DIAPH3: variants seen among roughly 807,000 people sequenced by gnomAD.
The protein encoded by DIAPH3 is diaphanous related formin 3, also known as protein diaphanous homolog 3.
A neutral mutation model predicts 144.3 loss-of-function variants in DIAPH3; 117 were observed. The ratio of observed to expected loss-of-function variants is 0.81; its 90% CI spans 0.70 to 0.95. DIAPH3 has a LOEUF of 0.95. DIAPH3 is among the 40% of genes least tolerant of loss of function. The pLI is 0.00. For missense variants in DIAPH3, 1,421 were observed against 1,412.7 expected (o/e 1.01, Z -0.09); for synonymous variants, 519 against 488.9 (o/e 1.06, Z -0.81).
At chr13:59,791,594 TGA>T (rs1464445091) in intron 25 of DIAPH3, among the ~76,000 whole-genome samples, 2 of 152,158 alleles carry the variant, frequency 1.3e-5, no homozygotes, top group Non-Finnish European at 2.9e-5. Context: ...AGACTTTTAT[TGA>T]GAGAGGTGTT....
intron 4 of DIAPH3, among the ~76,000 whole-genome samples, chr13:60,088,474 C>T (rs918333673): frequency 2.6e-5 from 4 of 152,122 alleles, no homozygotes; most frequent in Non-Finnish European, 5.9e-5. Flanking sequence ...CAAGGGTCTG[C>T]TTTCACTTGT....
chr13:59,732,020 T>C (rs1028689308), intron 27 of DIAPH3, among the ~76,000 whole-genome samples: 2 of 152,146 alleles, frequency 1.3e-5, no homozygotes, highest in African/African-American at 4.8e-5. Context: ...GTTTACGGAT[T>C]AGATTAGAAC....
At chr13:60,138,756 A>AAGG in intron 1 of DIAPH3, among the ~76,000 whole-genome samples, 1 of 106,860 alleles carries the variant, frequency 9.4e-6, no homozygotes, top group Non-Finnish European at 1.8e-5. Flanking sequence ...AACAGGAAGG[A>AAGG]AGGAGAAGGA....
At chr13:59,958,859 T>G (rs1468356698) in intron 17 of DIAPH3, among the ~76,000 whole-genome samples, 1 of 147,150 alleles carries the variant, frequency 6.8e-6, no homozygotes, top group Non-Finnish European at 1.5e-5. Context: ...GATCTAAACT[T>G]CAATAAACTT....
At chr13:59,710,280 GAAA>G (rs1159252127) in intron 27 of DIAPH3, among the ~76,000 whole-genome samples, 1 of 138,334 alleles carries the variant, frequency 7.2e-6, no homozygotes, top group Admixed American at 7.3e-5. Flanking sequence ...ATTTATTTTG[GAAA>G]AAAAAAAAAG....
At chr13:59,937,034 G>A (rs1386861494) in intron 17 of DIAPH3, among the ~76,000 whole-genome samples, 2 of 151,782 alleles carry the variant, frequency 1.3e-5, no homozygotes, top group African/African-American at 2.4e-5. Flanking sequence ...GTGGTGGCGG[G>A]TTCCTGTTGT....
At chr13:59,946,829 G>T (rs2048822785) in intron 17 of DIAPH3, among the ~76,000 whole-genome samples, 1 of 151,932 alleles carries the variant, frequency 6.6e-6, no homozygotes. Context: ...ACAAAAATGA[G>T]AACATTTGAA....
At chr13:60,157,619 T>G (rs1377823348) in intron 1 of DIAPH3, among the ~76,000 whole-genome samples, 2 of 152,242 alleles carry the variant, frequency 1.3e-5, no homozygotes, top group African/African-American at 4.8e-5. Context: ...TTCTTGTTTG[T>G]ATGGGTCACA....
chr13:59,843,000 T>C (rs2139793562), intron 22 of DIAPH3, among the ~76,000 whole-genome samples: 1 of 152,300 alleles, frequency 6.6e-6, no homozygotes, highest in Admixed American at 6.5e-5. Flanking sequence ...AGCTCAATCT[T>C]CAGCCCCTCT....
intron 1 of DIAPH3, among the ~76,000 whole-genome samples, chr13:60,160,818 C>T (rs760338092): frequency 4.2e-4 from 64 of 152,290 alleles, no homozygotes; most frequent in Middle Eastern, 3.4e-3. Flanking sequence ...TCAATTGATT[C>T]GTAGCACAGC....
intron 27 of DIAPH3, among the ~76,000 whole-genome samples, chr13:59,739,514 C>CT (rs1056989995): frequency 6.6e-6 from 1 of 152,150 alleles, no homozygotes; most frequent in African/African-American, 2.4e-5. Flanking sequence ...ACAATGGTCA[C>CT]TGTGGTATTC....
intron 22 of DIAPH3, among the ~76,000 whole-genome samples, chr13:59,841,569 G>A (rs1020966794): frequency 4.6e-5 from 7 of 152,180 alleles, no homozygotes; most frequent in Non-Finnish European, 7.3e-5. Flanking sequence ...ACCACAGCCT[G>A]AGTGACAGAG....
intron 4 of DIAPH3, among the ~76,000 whole-genome samples, chr13:60,082,407 T>C (rs997511436): frequency 6.8e-6 from 1 of 147,676 alleles, no homozygotes. Context: ...AAAAAGAAAT[T>C]TAAGAAAAAA....
chr13:59,739,367 A>T (rs953183923), intron 27 of DIAPH3, among the ~76,000 whole-genome samples: 1 of 152,208 alleles, frequency 6.6e-6, no homozygotes, highest in African/African-American at 2.4e-5. Context: ...TTTACTCCAT[A>T]TGTAACACTG....
rs141475241 is a variant in DIAPH3, at chr13:60,090,622, G to C, written c.495+3006C>G. Among the ~76,000 whole-genome samples the C allele has an allele frequency of 3.5e-3, 540 of 152,132 alleles. 4 individuals carry two copies. Among genetic ancestry groups the C allele is most frequent in the African/African-American group, 0.013 (524 of 41,516 alleles). Reference sequence around the variant, plus strand: ...GTAGAACAATGTATCCATAAACTTTGATTCTGTTCTTTTCAGAGTAGCTTT... The same window carrying C: ...GTAGAACAATGTATCCATAAACTTTCATTCTGTTCTTTTCAGAGTAGCTTT... On this transcript the variant is annotated intron_variant, in intron 4 of 27. Transcript: ENST00000400324.
At chr13:60,106,795 G>GA (rs1212146298) in intron 3 of DIAPH3, among the ~76,000 whole-genome samples, 1 of 152,060 alleles carries the variant, frequency 6.6e-6, no homozygotes, top group Non-Finnish European at 1.5e-5. Context: ...TTTATAATCA[G>GA]AAAAATATAA....
chr13:59,993,917 C>G (rs1274769218), intron 9 of DIAPH3, among the ~76,000 whole-genome samples: 1 of 151,806 alleles, frequency 6.6e-6, no homozygotes, highest in East Asian at 1.9e-4. Context: ...TTCAGAGAAA[C>G]TAAATCAAAC....
At chr13:60,070,843 T>G (rs551997619) in intron 4 of DIAPH3, among the ~76,000 whole-genome samples, 8 of 152,168 alleles carry the variant, frequency 5.3e-5, no homozygotes, top group Non-Finnish European at 1.2e-4. Flanking sequence ...TTCCTAAGTC[T>G]CCACATGTTT....
intron 25 of DIAPH3, among the ~76,000 whole-genome samples, chr13:59,777,424 T>C (rs1035532429): frequency 3.3e-5 from 5 of 152,084 alleles, no homozygotes; most frequent in Non-Finnish European, 7.4e-5. Context: ...CTAATAGATG[T>C]CAAAGATATG....
Sources: gnomAD v4.1 joint callset for allele counts (sites outside exome capture counted in the v4.1 genomes callset) on GRCh38, gnomAD v4.1.1 for gene constraint, MANE v1.5 for transcripts, NCBI Gene and HGNC (gene_info 2026-07-23, HGNC 2026-07-21) for gene names.